BRCA1: variants seen among roughly 807,000 people sequenced by gnomAD.
BRCA1 encodes BRCA1 DNA repair associated.
In BRCA1, 140 loss-of-function variants were observed where a neutral mutation model predicts 173.7. That is an observed-to-expected ratio of 0.81 (90% confidence interval 0.70 to 0.93). BRCA1 has a LOEUF of 0.93. Among genes scored for constraint, BRCA1 ranks in the 40% least tolerant of loss-of-function variants. The pLI is 0.00. For missense variants in BRCA1, 1,983 were observed against 2,172.5 expected, an observed-to-expected ratio of 0.91 and a Z score of 1.73; for synonymous variants, 662 against 756.0, an observed-to-expected ratio of 0.88 and a Z score of 2.04.
intron 8 of BRCA1, among the ~76,000 whole-genome samples, chr17:43,096,376 CAAA>C (rs71160005): frequency 5.4e-5 from 4 of 74,212 alleles, no homozygotes; most frequent in Admixed American, 3.4e-4. Flanking sequence ...GACTCTGTCT[CAAA>C]AAAAAAAAAA....
Position 43,092,777 on chromosome 17 carries a change from C to G in BRCA1, c.2754G>C (p.Lys918Asn), listed in dbSNP as rs398122668. The G allele has an allele frequency of 6.2e-7, 1 of 1,614,028 alleles. No homozygotes were observed. The highest frequency in any genetic ancestry group is 2.2e-5 in the East Asian group (1 of 44,880). The change falls in exon 10 of 23, where the codon AAG (lysine) becomes AAC (asparagine). Residue 918 changes from lysine (K) to asparagine (N), a missense_variant. By Grantham distance (94) the Lys-to-Asn change is moderately conservative. Coordinates refer to ENST00000357654, the MANE Select transcript of BRCA1 (RefSeq NM_007294.4). ...ENQGKNESNI[K>N]PVQTVNITAG... ...CAGTGATATTAACTGTCTGTACAGG[C>G]TTGATATTAGACTCATTCTTTCCTT...
Position 43,086,952 on chromosome 17 carries a change from G to C in BRCA1, c.4185+3992C>G, listed in dbSNP as rs150347361. Among the ~76,000 whole-genome samples, 192 of 152,296 alleles carry C rather than the reference G, an allele frequency of 1.3e-3. No individual in the cohort carries two copies. Among genetic ancestry groups the C allele is most frequent in the Non-Finnish European group, 1.7e-3 (113 of 68,026 alleles). On this transcript the variant is annotated intron_variant, in intron 11 of 22. Coordinates refer to ENST00000357654, the MANE Select transcript of BRCA1 (RefSeq NM_007294.4). The stretch of plus-strand genomic sequence containing the variant: ...AGGGGCTTCAGGTCTAGAGGGATTT[G>C]CTCTGTACAGAGAATGGGCAGTAGA...
upstream of BRCA1, among the ~76,000 whole-genome samples, chr17:43,129,209 G>A (rs562500407): frequency 6.6e-6 from 1 of 152,336 alleles, no homozygotes; most frequent in African/African-American, 2.4e-5. Context: ...GGAGCAGGTA[G>A]GGTTAACCAT....
At chr17:43,079,839 C>T (rs2052922837) in intron 12 of BRCA1, 1 of 687,780 alleles carries the variant, frequency 1.5e-6, no homozygotes, top group Admixed American at 2.5e-5. Context: ...AAAAGTCATT[C>T]TATCACCAGA....
At chr17:43,168,507 G>C (rs897480676) in intron 1 of BRCA1, among the ~76,000 whole-genome samples, 5 of 152,148 alleles carry the variant, frequency 3.3e-5, no homozygotes, top group Non-Finnish European at 7.3e-5. Context: ...AGGCATGGTG[G>C]TGCATGCGTG....
At chr17:43,098,723 G>T (rs2054241065) in intron 7 of BRCA1, among the ~76,000 whole-genome samples, 2 of 151,800 alleles carry the variant, frequency 1.3e-5, no homozygotes, top group South Asian at 4.2e-4. Context: ...GGCCAGGCTG[G>T]TCTTAAACTC....
At chr17:43,136,718 A>G (rs537722199) in intron 1 of BRCA1, among the ~76,000 whole-genome samples, 2 of 152,348 alleles carry the variant, frequency 1.3e-5, no homozygotes, top group South Asian at 4.1e-4. Flanking sequence ...AGACATGCAA[A>G]TCAAAACCAC....
At position 43,071,015 on chromosome 17, in the gene BRCA1, G is replaced by A. The variant is rs1567774741; in HGVS notation, c.4899C>T (p.Ser1633=). ...AGYNAMEESV[S]REKPELTAST... Reference sequence around the variant, plus strand: ...AAGCTGTCAATTCTGGCTTCTCCCTGCTCACACTTTCTTCCATTGCATTAT... The same window carrying A: ...AAGCTGTCAATTCTGGCTTCTCCCTACTCACACTTTCTTCCATTGCATTAT... The change falls in exon 15 of 23, where the codon AGC becomes AGT. Residue 1633 remains serine, a synonymous_variant. Coordinates refer to ENST00000357654, the MANE Select transcript of BRCA1 (RefSeq NM_007294.4). The A allele has an allele frequency of 6.2e-7, 1 of 1,614,186 alleles. No homozygotes were observed. The highest frequency in any genetic ancestry group is 8.5e-7 in the Non-Finnish European group (1 of 1,180,030).
At chr17:43,159,347 G>A (rs908561923) in intron 1 of BRCA1, 2 of 160,880 alleles carry the variant, frequency 1.2e-5, no homozygotes, top group African/African-American at 4.8e-5. Flanking sequence ...CCGGGACGGG[G>A]CGGCTGGCCT....
rs273900723 is a variant in BRCA1 at position 43,090,921 on chromosome 17, GCACA to G, written c.4185+19_4185+22del. 1 of 1,582,342 alleles carries G rather than the reference GCACA, an allele frequency of 6.3e-7. No homozygotes were observed. The highest frequency in any genetic ancestry group is 1.1e-5 in the South Asian group (1 of 88,578). On this transcript the variant is annotated intron_variant, in intron 11 of 22. Transcript: ENST00000357654. Reference sequence around the variant, plus strand: ...CAAAGGACACCACACACACGCATGTGCACACACACACACGCTTTTTACCTGAGTG... The same window carrying G: ...CAAAGGACACCACACACACGCATGTGCACACACACGCTTTTTACCTGAGTG...
At chr17:43,106,113 T>A in intron 4 of BRCA1, among the ~76,000 whole-genome samples, 1 of 145,918 alleles carries the variant, frequency 6.9e-6, no homozygotes. Context: ...AGCAGGACCC[T>A]GTCTTAAAAA....
At chr17:43,099,292 T>G (rs1194957849) in intron 7 of BRCA1, among the ~76,000 whole-genome samples, 1 of 151,540 alleles carries the variant, frequency 6.6e-6, no homozygotes, top group African/African-American at 2.4e-5. Flanking sequence ...TTTTTTTAGA[T>G]GGAGTTTCGC....
rs530464947 is a variant in BRCA1 at position 43,092,137 on chromosome 17, T to C, written c.3394A>G (p.Asn1132Asp). The change falls in exon 10 of 23, where the codon AAC becomes GAC. Residue 1132 changes from asparagine to aspartate, a missense_variant. Coordinates refer to ENST00000357654, the MANE Select transcript of BRCA1 (RefSeq NM_007294.4). Reference sequence around the variant, plus strand: ...CTACTTCCCATAGGCTGTTCTAAGTTATCTGAAATCAGATATGGAGAGAAA... The same window carrying C: ...CTACTTCCCATAGGCTGTTCTAAGTCATCTGAAATCAGATATGGAGAGAAA... The part of the protein sequence containing the change: ...TDFSPYLISD[N>D]LEQPMGSSHA... The C allele has an allele frequency of 8.1e-6, 13 of 1,613,748 alleles. No individual in the cohort carries two copies. The African/African-American group carries it at 1.7e-4, about 21-fold the overall frequency.
At chr17:43,170,290 A>C (rs1295677453), upstream of BRCA1, 2 of 161,302 alleles carry the variant, frequency 1.2e-5, no homozygotes, top group African/African-American at 4.8e-5. Context: ...TCAGAATAGG[A>C]AATCAAGACA....
intron 1 of BRCA1, among the ~76,000 whole-genome samples, chr17:43,165,495 T>TC (rs397696529): frequency 2.0e-4 from 31 of 152,008 alleles, no homozygotes; most frequent in East Asian, 7.7e-4. Context: ...GTTTTTTTTT[T>TC]CAACAGTTTT....
At chr17:43,163,578 C>T (rs2154581743) in intron 1 of BRCA1, 1 of 152,358 alleles carries the variant, frequency 6.6e-6, no homozygotes, top group East Asian at 1.9e-4. Flanking sequence ...GGGCTTCTCT[C>T]GCTTTACAAT....
Position 43,082,419 on chromosome 17 carries a change from T to C in BRCA1, c.4342A>G (p.Ser1448Gly), listed in dbSNP as rs80357486. Reference sequence around the variant, plus strand: ...CAATACACACCTTTTTCTGATGTGCTTTGTTCTGGATTTCGCAGGTCCTCA... The same window carrying C: ...CAATACACACCTTTTTCTGATGTGCCTTGTTCTGGATTTCGCAGGTCCTCA... ...ALEDLRNPEQ[S>G]TSEKAVLTSQ... Residue 1448 changes from serine (S) to glycine (G), a missense_variant, in exon 12 of 23, where the codon AGC (serine) becomes GGC (glycine). By Grantham distance (56) the Ser-to-Gly change is moderately conservative. Coordinates refer to ENST00000357654, the MANE Select transcript of BRCA1 (RefSeq NM_007294.4). The C allele has an allele frequency of 9.9e-6, 16 of 1,613,976 alleles. No homozygotes were observed. The highest frequency in any genetic ancestry group is 1.3e-5 in the Non-Finnish European group (15 of 1,179,982).
At chr17:43,143,186 C>A (rs1231644805) in intron 1 of BRCA1, among the ~76,000 whole-genome samples, 4 of 151,728 alleles carry the variant, frequency 2.6e-5, no homozygotes, top group African/African-American at 9.7e-5. Flanking sequence ...GGTGATCCGC[C>A]TGCCTTGGCC....
intron 19 of BRCA1, among the ~76,000 whole-genome samples, chr17:43,052,778 G>T (rs2051297483): frequency 3.0e-5 from 3 of 100,158 alleles, no homozygotes; most frequent in Non-Finnish European, 5.9e-5. Context: ...CAGACGGACA[G>T]AAACACACAC....
Sources: gnomAD v4.1 joint callset for allele counts (sites outside exome capture counted in the v4.1 genomes callset) on GRCh38, gnomAD v4.1.1 for gene constraint, MANE v1.5 for transcripts, NCBI Gene and HGNC (gene_info 2026-07-23, HGNC 2026-07-21) for gene names.